Variants in EXT1 observed in about 807,000 individuals in gnomAD.
The protein encoded by EXT1 is exostosin glycosyltransferase 1, also known as exostosin-1.
A neutral mutation model predicts 82.5 loss-of-function variants in EXT1; 20 were observed. The ratio of observed to expected loss-of-function variants is 0.24; its 90% CI spans 0.17 to 0.35. The LOEUF (loss-of-function observed/expected upper bound fraction) is 0.35, where lower values mean the gene tolerates loss of function less well. Ranked by LOEUF, EXT1 falls within the 10% of genes least tolerant of loss-of-function variation. The probability of loss-of-function intolerance (pLI) is 1.00; values close to 1 mark genes in which losing one functional copy is unlikely to be tolerated. For missense variants in EXT1, 757 were observed against 936.5 expected (o/e 0.81, Z 2.50); for synonymous variants, 348 against 350.8 (o/e 0.99, Z 0.09).
At chr8:118,092,916 T>A (rs1817547956) in intron 1 of EXT1, among the ~76,000 whole-genome samples, 1 of 152,166 alleles carries the variant, frequency 6.6e-6, no homozygotes, top group Non-Finnish European at 1.5e-5. Context: ...CACCATGTCC[T>A]GAATAGGAGC....
intron 1 of EXT1, among the ~76,000 whole-genome samples, chr8:117,967,046 C>T (rs1014003384): frequency 1.3e-5 from 2 of 152,186 alleles, no homozygotes; most frequent in Admixed American, 1.3e-4. Flanking sequence ...ATTTTGCTTC[C>T]TCTGTTGCAC....
At chr8:117,999,598 A>G (rs1815616710) in intron 1 of EXT1, among the ~76,000 whole-genome samples, 1 of 152,162 alleles carries the variant, frequency 6.6e-6, no homozygotes, top group Non-Finnish European at 1.5e-5. Flanking sequence ...TAAATTTTGA[A>G]TTTTGTGGGG....
intron 7 of EXT1, among the ~76,000 whole-genome samples, chr8:117,817,934 C>T (rs1811853190): frequency 6.6e-6 from 1 of 152,192 alleles, no homozygotes; most frequent in South Asian, 2.1e-4. Context: ...TCATGAGAAT[C>T]TTTACAGGCA....
At chr8:118,095,637 A>C (rs1305922975) in intron 1 of EXT1, among the ~76,000 whole-genome samples, 1 of 152,230 alleles carries the variant, frequency 6.6e-6, no homozygotes, top group Non-Finnish European at 1.5e-5. Flanking sequence ...ATTCCCTCTG[A>C]TTGAATTTTC....
At chr8:117,860,146 C>CAAAAAAAAAAAAAAAAAAAAAA (rs34399339) in intron 1 of EXT1, among the ~76,000 whole-genome samples, 1 of 76,902 alleles carries the variant, frequency 1.3e-5, no homozygotes, top group African/African-American at 5.6e-5. Flanking sequence ...GATTCTATCT[C>CAAAAAAAAAAAAAAAAAAAAAA]AAAAAAAAAA....
intron 1 of EXT1, among the ~76,000 whole-genome samples, chr8:118,056,241 T>C (rs751034988): frequency 6.6e-6 from 1 of 152,166 alleles, no homozygotes; most frequent in African/African-American, 2.4e-5. Flanking sequence ...CTGCCCCCTT[T>C]AGAAAAACAA....
chr8:117,866,525 G>T (rs1283582814), intron 1 of EXT1, among the ~76,000 whole-genome samples: 1 of 152,150 alleles, frequency 6.6e-6, no homozygotes, highest in African/African-American at 2.4e-5. Flanking sequence ...AATGCCCAGA[G>T]AATTAACCAA....
At chr8:118,047,355 G>A (rs574203313) in intron 1 of EXT1, among the ~76,000 whole-genome samples, 2 of 152,118 alleles carry the variant, frequency 1.3e-5, no homozygotes, top group South Asian at 4.2e-4. Flanking sequence ...GTTTCCTTTC[G>A]TGTAAAATGG....
intron 1 of EXT1, among the ~76,000 whole-genome samples, chr8:117,856,922 T>C (rs1423372794): frequency 9.9e-5 from 15 of 152,140 alleles, no homozygotes; most frequent in Admixed American, 9.8e-4. Context: ...TGACTTGAAG[T>C]TGAAGCCAAT....
rs548970317 is a variant in EXT1, at chr8:117,897,548, T to C, written c.963-60347A>G. Among the ~76,000 whole-genome samples, 3 of 152,040 alleles carry C rather than the reference T, an allele frequency of 2.0e-5. No individual in the cohort carries two copies. In the South Asian group the frequency reaches 6.2e-4, roughly 32 times the overall value. On this transcript the variant is annotated intron_variant, in intron 1 of 10. Coordinates refer to ENST00000378204, the MANE Select transcript of EXT1 (RefSeq NM_000127.3). The stretch of plus-strand genomic sequence containing the variant: ...TTGTTTTCAATCTCAGATTCAGCAC[T>C]TTCCAAGAGTGTCTTTGTAGCCCAT...
chr8:117,950,534 C>T (rs959447402), intron 1 of EXT1, among the ~76,000 whole-genome samples: 1 of 152,126 alleles, frequency 6.6e-6, no homozygotes, highest in African/African-American at 2.4e-5. Flanking sequence ...TGAACCTTTA[C>T]TTGGTCAAGA....
At chr8:117,925,062 A>AT (rs1813927735) in intron 1 of EXT1, among the ~76,000 whole-genome samples, 1 of 152,178 alleles carries the variant, frequency 6.6e-6, no homozygotes, top group African/African-American at 2.4e-5. Context: ...TAGAACTGTA[A>AT]TTTTTTAGGT....
intron 1 of EXT1, among the ~76,000 whole-genome samples, chr8:117,855,173 AACCTAAAAC>A (rs1255825782): frequency 2.0e-5 from 3 of 152,186 alleles, no homozygotes; most frequent in Middle Eastern, 3.2e-3. Flanking sequence ...AATCATCTCA[AACCTAAAAC>A]ACCAAACTAA....
intron 1 of EXT1, among the ~76,000 whole-genome samples, chr8:117,937,503 T>C (rs995161808): frequency 1.3e-5 from 2 of 152,242 alleles, no homozygotes; most frequent in African/African-American, 4.8e-5. Context: ...TTCTTCATCC[T>C]GCCCCCTCCC....
intron 1 of EXT1, among the ~76,000 whole-genome samples, chr8:118,022,863 A>G (rs1331125106): frequency 1.3e-5 from 2 of 152,212 alleles, no homozygotes; most frequent in African/African-American, 4.8e-5. Flanking sequence ...GGAAGGCAGT[A>G]AAAATAAAAT....
At chr8:117,974,463 C>T (rs1815025922) in intron 1 of EXT1, among the ~76,000 whole-genome samples, 1 of 152,066 alleles carries the variant, frequency 6.6e-6, no homozygotes, top group East Asian at 1.9e-4. Context: ...CAGATTCTCA[C>T]CACCTGGAAT....
intron 1 of EXT1, among the ~76,000 whole-genome samples, chr8:117,842,674 A>G (rs992669778): frequency 7.2e-5 from 11 of 152,252 alleles, no homozygotes; most frequent in African/African-American, 2.7e-4. Flanking sequence ...TATCCCAAAG[A>G]CAGAGCCAAG....
At chr8:118,079,137 A>G (rs899313775) in intron 1 of EXT1, among the ~76,000 whole-genome samples, 1 of 152,232 alleles carries the variant, frequency 6.6e-6, no homozygotes, top group Non-Finnish European at 1.5e-5. Context: ...AATAGTCATC[A>G]AAAACATTTT....
intron 1 of EXT1, among the ~76,000 whole-genome samples, chr8:118,098,851 T>C (rs947483399): frequency 1.3e-5 from 2 of 151,516 alleles, no homozygotes; most frequent in African/African-American, 4.8e-5. Flanking sequence ...CTGATATGCA[T>C]CTTGAAAACC....
Sources: allele counts gnomAD v4.1 joint callset (sites outside exome capture counted in the v4.1 genomes callset), GRCh38; gene constraint gnomAD v4.1.1; transcripts MANE v1.5; gene names NCBI Gene and HGNC (gene_info 2026-07-23, HGNC 2026-07-21).